SYT16: variants seen among roughly 807,000 people sequenced by gnomAD.
SYT16 encodes the protein synaptotagmin 16, also known as synaptotagmin-16.
A neutral mutation model predicts 61.4 loss-of-function variants in SYT16; 42 were observed. That is an observed-to-expected ratio of 0.68 (90% CI 0.53 to 0.89). SYT16 has a LOEUF of 0.89. SYT16 is among the 40% of genes least tolerant of loss of function. SYT16 has a pLI of 0.00. For missense variants in SYT16, 804 were observed against 807.3 expected, an observed-to-expected ratio of 1.00 and a Z score of 0.05; for synonymous variants, 314 against 302.3, an observed-to-expected ratio of 1.04 and a Z score of -0.40.
intron 1 of SYT16, among the ~76,000 whole-genome samples, chr14:61,946,000 G>A (rs1244944527): frequency 1.3e-5 from 2 of 151,782 alleles, no homozygotes; most frequent in Admixed American, 6.6e-5. Flanking sequence ...ATAAGTGGGA[G>A]TTGATCAATG....
At chr14:61,891,242 G>GCACACACA (rs34375502) in intron 1 of SYT16, among the ~76,000 whole-genome samples, 9,943 of 147,832 alleles carry the variant, frequency 0.067, 351 homozygotes, top group Non-Finnish European at 0.082. Context: ...ACACACACGC[G>GCACACACA]CACACACACA....
intron 1 of SYT16, among the ~76,000 whole-genome samples, chr14:61,867,997 T>C (rs2047213758): frequency 6.6e-6 from 1 of 152,072 alleles, no homozygotes; most frequent in African/African-American, 2.4e-5. Context: ...TCTTGTATTA[T>C]TGGGATAAAC....
chr14:61,846,558 T>C (rs1352868517), intron 1 of SYT16, among the ~76,000 whole-genome samples: 1 of 152,198 alleles, frequency 6.6e-6, no homozygotes, highest in African/African-American at 2.4e-5. Context: ...TCTTTATAGA[T>C]GAATAGTGTT....
intron 7 of SYT16, 42 bp from the exon 8 acceptor site, chr14:62,100,352 G>C: frequency 1.3e-6 from 2 of 1,497,138 alleles, no homozygotes; most frequent in Admixed American, 4.6e-5. Context: ...GAGCACTAAT[G>C]TTTCTTATCA....
chr14:62,086,962 A>G (rs2056906810), intron 7 of SYT16, among the ~76,000 whole-genome samples: 1 of 152,226 alleles, frequency 6.6e-6, no homozygotes, highest in South Asian at 2.1e-4. Context: ...ACTTGAGGAA[A>G]AGCCAGTTTA....
intron 3 of SYT16, among the ~76,000 whole-genome samples, chr14:62,006,522 A>C (rs1212758506): frequency 6.6e-6 from 1 of 152,162 alleles, no homozygotes; most frequent in Non-Finnish European, 1.5e-5. Context: ...AACAAGAGGG[A>C]TGCTGAACGC....
chr14:61,832,906 T>G (rs985766222), intron 1 of SYT16, among the ~76,000 whole-genome samples: 1 of 152,238 alleles, frequency 6.6e-6, no homozygotes, highest in African/African-American at 2.4e-5. Context: ...TCTAAATTAT[T>G]TTAAAACTTG....
chr14:61,983,389 A>G lies in SYT16; in HGVS notation c.-144-12487A>G, dbSNP rs574985737. ...GGGCACTTTGAGGTTTAATGAAAAG[A>G]TGACAGGTATTATTTGAAGTGTGTG... On this transcript the variant is annotated intron_variant, in intron 2 of 7. Transcript: ENST00000683842. Among the ~76,000 whole-genome samples the G allele has an allele frequency of 1.7e-4, 26 of 152,314 alleles. No homozygotes were observed. In the South Asian group the frequency reaches 5.4e-3, roughly 32 times the overall value.
chr14:62,041,075 C>G (rs35108858), intron 3 of SYT16, among the ~76,000 whole-genome samples: 7,824 of 152,232 alleles, frequency 0.051, 653 homozygotes, highest in African/African-American at 0.18. Flanking sequence ...TGTTTGAGGG[C>G]AGGAAGCATC....
chr14:62,075,468 TAA>T (rs35857227), intron 5 of SYT16, 77 bp downstream of exon 5: 14,459 of 1,153,022 alleles, frequency 0.013, 16 homozygotes, highest in Non-Finnish European at 0.014. Context: ...CTCATCTCTC[TAA>T]AAAAAAAAAA....
chr14:61,921,751 G>A (rs2049342851), intron 1 of SYT16, among the ~76,000 whole-genome samples: 1 of 152,172 alleles, frequency 6.6e-6, no homozygotes, highest in African/African-American at 2.4e-5. Context: ...TTAGTCACAT[G>A]GAGAACCCAG....
intron 1 of SYT16, among the ~76,000 whole-genome samples, chr14:61,902,878 C>T (rs148555912): frequency 1.1e-3 from 161 of 152,256 alleles, no homozygotes; most frequent in Non-Finnish European, 1.9e-3. Flanking sequence ...TTCACTACCA[C>T]GAGAACAGTA....
chr14:61,956,140 T>A (rs199920240), intron 1 of SYT16, among the ~76,000 whole-genome samples: 1 of 151,946 alleles, frequency 6.6e-6, no homozygotes, highest in Non-Finnish European at 1.5e-5. Context: ...ATTTATTAAT[T>A]GGGTTATTTG....
chr14:61,939,789 A>G (rs2050138010), intron 1 of SYT16, among the ~76,000 whole-genome samples: 1 of 152,162 alleles, frequency 6.6e-6, no homozygotes, highest in Non-Finnish European at 1.5e-5. Context: ...AAAAAGGACG[A>G]ATGGAAGGAC....
chr14:62,087,403 C>CTGA (rs1456066278), intron 7 of SYT16, among the ~76,000 whole-genome samples: 1 of 152,232 alleles, frequency 6.6e-6, no homozygotes, highest in Non-Finnish European at 1.5e-5. Flanking sequence ...ACTTGTACCA[C>CTGA]TGAGGGCCAT....
chr14:61,958,283 TCTTAC>T (rs1173417970), intron 1 of SYT16, among the ~76,000 whole-genome samples: 1 of 151,814 alleles, frequency 6.6e-6, no homozygotes, highest in African/African-American at 2.4e-5. Context: ...TTTTTTCTGA[TCTTAC>T]CTTTACTATT....
chr14:61,877,754 G>C (rs563053930), intron 1 of SYT16, among the ~76,000 whole-genome samples: 3 of 152,336 alleles, frequency 2.0e-5, no homozygotes, highest in Middle Eastern at 3.4e-3. Context: ...TCCTGCAACA[G>C]TGGGTTCCTT....
chr14:62,011,016 T>C (rs147016115), intron 3 of SYT16, among the ~76,000 whole-genome samples: 4,318 of 152,302 alleles, frequency 0.028, 75 homozygotes, highest in Admixed American at 0.04. Flanking sequence ...TTACCCTTAA[T>C]ATTTCCCTTT....
At chr14:62,049,628 C>A (rs1396365474) in intron 3 of SYT16, among the ~76,000 whole-genome samples, 4 of 152,272 alleles carry the variant, frequency 2.6e-5, no homozygotes, top group Admixed American at 6.5e-5. Flanking sequence ...TTGTTCCTTT[C>A]CATGTTTAGT....
Sources: allele counts gnomAD v4.1 joint callset (sites outside exome capture counted in the v4.1 genomes callset), GRCh38; gene constraint gnomAD v4.1.1; transcripts MANE v1.5; gene names NCBI Gene and HGNC (gene_info 2026-07-23, HGNC 2026-07-21).